Variants in DLG2 observed in about 807,000 individuals in gnomAD.
The protein encoded by DLG2 is disks large homolog 2.
Under a neutral mutation model 132.5 loss-of-function variants are expected in DLG2, and 45 were observed. The observed-to-expected ratio is 0.34, with a 90% CI of 0.27 to 0.44. DLG2 has a LOEUF of 0.44. Ranked by LOEUF, DLG2 falls within the 20% of genes least tolerant of loss-of-function variation. The pLI is 1.00. For synonymous variants in DLG2, 424 were observed against 419.6 expected (o/e 1.01, Z -0.13); for missense variants, 1,045 against 1,196.9 (o/e 0.87, Z 1.87).
intron 19 of DLG2, among the ~76,000 whole-genome samples, chr11:83,612,638 C>G (rs950936147): frequency 5.9e-5 from 9 of 152,098 alleles, no homozygotes; most frequent in African/African-American, 2.2e-4. Context: ...TTTCTACAAC[C>G]ATTATAACGG....
At chr11:85,251,183 G>A (rs2076378867) in intron 4 of DLG2, among the ~76,000 whole-genome samples, 1 of 152,204 alleles carries the variant, frequency 6.6e-6, no homozygotes, top group Non-Finnish European at 1.5e-5. Flanking sequence ...AGCAGGAAGT[G>A]TGTGGAAAGT....
chr11:84,000,359 A>G (rs1565981039), intron 11 of DLG2, among the ~76,000 whole-genome samples: 1 of 152,152 alleles, frequency 6.6e-6, no homozygotes, highest in Non-Finnish European at 1.5e-5. Context: ...CAAAGCCTTC[A>G]TGACACATGG....
Position 84,598,414 on chromosome 11 carries a change from A to T in DLG2, c.358-63683T>A, listed in dbSNP as rs555313196. 2.1e-4 allele frequency among the ~76,000 whole-genome samples: 32 copies of T among 152,282 alleles called. No homozygotes were observed. In the South Asian group the frequency reaches 6.6e-3, roughly 32 times the overall value. On this transcript the variant is annotated intron_variant, in intron 6 of 27. Transcript: ENST00000376104. ...AAACCACTATTTTCTAAAGTACCCA[A>T]GGTGGCTCCACTTTGCAGCTAAGGT...
intron 3 of DLG2, among the ~76,000 whole-genome samples, chr11:85,466,258 G>T (rs2092786199): frequency 6.6e-6 from 1 of 152,124 alleles, no homozygotes; most frequent in Non-Finnish European, 1.5e-5. Context: ...CATTCTGTAG[G>T]TTGCCTGTTC....
chr11:83,963,729 T>C lies in DLG2; in HGVS notation c.1202-706A>G, dbSNP rs142928395. 5.7e-4 allele frequency among the ~76,000 whole-genome samples: 87 copies of C among 152,094 alleles called. No homozygotes were observed. The East Asian group carries it at 0.014, about 25-fold the overall frequency. On this transcript the variant is annotated intron_variant, in intron 13 of 27. Coordinates refer to ENST00000376104, the MANE Select transcript of DLG2 (RefSeq NM_001142699.3). The stretch of plus-strand genomic sequence containing the variant: ...TTGCCATTCTTGCAAGATCAATCAA[T>C]TTTAATACCCCCCAACACATATCCT...
chr11:85,048,733 A>T (rs1004187418), intron 6 of DLG2, among the ~76,000 whole-genome samples: 4 of 152,086 alleles, frequency 2.6e-5, no homozygotes, highest in African/African-American at 7.2e-5. Flanking sequence ...TTGTGAAGTC[A>T]TTAAAATAAT....
chr11:83,482,161 A>T (rs1264298906), intron 22 of DLG2, among the ~76,000 whole-genome samples: 1 of 152,128 alleles, frequency 6.6e-6, no homozygotes, highest in Non-Finnish European at 1.5e-5. Context: ...TCAGATTTTT[A>T]AAAATATAAA....
At chr11:84,839,414 C>A (rs529796153) in intron 6 of DLG2, among the ~76,000 whole-genome samples, 2 of 152,216 alleles carry the variant, frequency 1.3e-5, no homozygotes, top group Admixed American at 1.3e-4. Flanking sequence ...AATGGCCATA[C>A]TTCCCAAGGT....
Position 85,017,160 on chromosome 11 carries a change from T to C in DLG2, c.357+94501A>G, listed in dbSNP as rs184315674. On this transcript the variant is annotated intron_variant, in intron 6 of 27. Coordinates refer to ENST00000376104, the MANE Select transcript of DLG2 (RefSeq NM_001142699.3). ...GTGTCCTGATCTCTGATTTATATCA[T>C]TGACATCTTCCTCTTTCCTAAATCT... is the stretch of plus-strand genomic sequence containing the variant. Among the ~76,000 whole-genome samples, 5 of 152,280 alleles carry C rather than the reference T, an allele frequency of 3.3e-5. No homozygotes were observed. In the East Asian group the frequency reaches 7.7e-4, roughly 24 times the overall value.
intron 6 of DLG2, among the ~76,000 whole-genome samples, chr11:84,992,388 A>T (rs2057215166): frequency 6.6e-6 from 1 of 152,186 alleles, no homozygotes; most frequent in Non-Finnish European, 1.5e-5. Context: ...GTAACTGTTT[A>T]AAAAATATTT....
At chr11:84,911,122 C>T (rs1000923597) in intron 6 of DLG2, among the ~76,000 whole-genome samples, 7 of 152,100 alleles carry the variant, frequency 4.6e-5, no homozygotes, top group Non-Finnish European at 1.0e-4. Context: ...AGTAATCCCA[C>T]ATGTTATATT....
At chr11:85,048,135 A>T (rs1029876054) in intron 6 of DLG2, among the ~76,000 whole-genome samples, 2 of 151,982 alleles carry the variant, frequency 1.3e-5, no homozygotes, top group Non-Finnish European at 2.9e-5. Flanking sequence ...GACACAAAGC[A>T]ATTATTTCAT....
At chr11:83,700,792 AT>A (rs887161666) in intron 18 of DLG2, among the ~76,000 whole-genome samples, 3 of 151,864 alleles carry the variant, frequency 2.0e-5, no homozygotes, top group East Asian at 1.9e-4. Flanking sequence ...GATAATCTAC[AT>A]TTTTTTTGCT....
intron 6 of DLG2, among the ~76,000 whole-genome samples, chr11:84,621,216 A>G (rs539565723): frequency 4.1e-4 from 63 of 152,296 alleles, no homozygotes; most frequent in Middle Eastern, 6.8e-3. Context: ...TTCCACTCAT[A>G]TATTTTAGTT....
chr11:84,672,431 A>T (rs1297962320), intron 6 of DLG2, among the ~76,000 whole-genome samples: 1 of 152,180 alleles, frequency 6.6e-6, no homozygotes, highest in Non-Finnish European at 1.5e-5. Context: ...AAAATAAAGC[A>T]TATACAGAAA....
intron 6 of DLG2, among the ~76,000 whole-genome samples, chr11:84,967,010 G>A (rs1182570525): frequency 1.3e-5 from 2 of 152,014 alleles, no homozygotes; most frequent in African/African-American, 4.8e-5. Flanking sequence ...GGTGATGGCT[G>A]GACCTACTGA....
chr11:84,160,871 T>C (rs1291697121), intron 9 of DLG2, among the ~76,000 whole-genome samples: 3 of 152,200 alleles, frequency 2.0e-5, no homozygotes, highest in Non-Finnish European at 4.4e-5. Context: ...ATTTGATTGC[T>C]TGGATTTTCT....
intron 6 of DLG2, among the ~76,000 whole-genome samples, chr11:84,714,617 TTCTCTTTCTCTCTCTCTCTCTC>T (rs2060943398): frequency 1.0e-5 from 1 of 96,606 alleles, no homozygotes; most frequent in African/African-American, 4.4e-5. Flanking sequence ...CTCTTTCTCT[TTCTCTTTCTCTCTCTCTCTCTC>T]TCTCTCTTTC....
At chr11:84,788,474 T>A (rs2073298257) in intron 6 of DLG2, among the ~76,000 whole-genome samples, 1 of 152,110 alleles carries the variant, frequency 6.6e-6, no homozygotes, top group Non-Finnish European at 1.5e-5. Context: ...TGGTCCTGAG[T>A]CATTCTCCAC....
Sources: gnomAD v4.1 joint callset for allele counts (sites outside exome capture counted in the v4.1 genomes callset) on GRCh38, gnomAD v4.1.1 for gene constraint, MANE v1.5 for transcripts, NCBI Gene and HGNC (gene_info 2026-07-23, HGNC 2026-07-21) for gene names.